Variants in PTPRM observed in about 807,000 individuals in gnomAD.
PTPRM encodes receptor-type tyrosine-protein phosphatase mu.
Under a neutral mutation model 186.7 loss-of-function variants are expected in PTPRM, and 47 were observed. The observed-to-expected ratio is 0.25, with a 90% confidence interval of 0.20 to 0.32. PTPRM has a LOEUF of 0.32. Among genes scored for constraint, PTPRM ranks in the 10% least tolerant of loss-of-function variants. PTPRM has a pLI of 1.00. For missense variants in PTPRM, 1,494 were observed against 1,865.0 expected (o/e 0.80, Z 3.66); for synonymous variants, 668 against 674.9 (o/e 0.99, Z 0.16).
At chr18:8,283,246 C>T (rs1349917869) in intron 19 of PTPRM, among the ~76,000 whole-genome samples, 5 of 152,122 alleles carry the variant, frequency 3.3e-5, no homozygotes, top group Non-Finnish European at 5.9e-5. Flanking sequence ...TGGGGAAAAC[C>T]GAGGAATAAA....
intron 1 of PTPRM, among the ~76,000 whole-genome samples, chr18:7,580,948 A>G (rs1367741285): frequency 6.6e-6 from 1 of 152,206 alleles, no homozygotes; most frequent in Admixed American, 6.5e-5. Context: ...AATCCGTATG[A>G]TGACCTTCTG....
chr18:7,866,453 C>G (rs2146121292), intron 2 of PTPRM, among the ~76,000 whole-genome samples: 1 of 152,220 alleles, frequency 6.6e-6, no homozygotes, highest in East Asian at 1.9e-4. Context: ...TACCCAGTAG[C>G]CATTCAGGCG....
intron 2 of PTPRM, among the ~76,000 whole-genome samples, chr18:7,865,152 A>G (rs2047614282): frequency 6.6e-6 from 1 of 152,174 alleles, no homozygotes; most frequent in African/African-American, 2.4e-5. Flanking sequence ...AACAGAGACA[A>G]TTTGACTTCC....
intron 1 of PTPRM, among the ~76,000 whole-genome samples, chr18:7,645,147 G>T (rs1359661961): frequency 6.6e-6 from 1 of 152,050 alleles, no homozygotes; most frequent in Non-Finnish European, 1.5e-5. Flanking sequence ...TTAGACTTTG[G>T]AGTAGTTTTC....
At chr18:7,877,280 A>G (rs1292837339) in intron 2 of PTPRM, among the ~76,000 whole-genome samples, 2 of 152,136 alleles carry the variant, frequency 1.3e-5, no homozygotes, top group Non-Finnish European at 2.9e-5. Context: ...ACCTAGAATG[A>G]TTATTTATAT....
chr18:8,249,279 G>C lies in PTPRM; in HGVS notation c.2554+1103G>C, dbSNP rs145718861. On this transcript the variant is annotated intron_variant, in intron 17 of 32. Coordinates refer to ENST00000580170, the MANE Select transcript of PTPRM (RefSeq NM_001105244.2). ...ATTTTTATTTTCCTAATGGTGTTCT[G>C]TGGGCTTAAGCAAGTTTGTTGCCTA... Among the ~76,000 whole-genome samples, 533 of 152,148 alleles carry C rather than the reference G, an allele frequency of 3.5e-3. 1 individual carries two copies. The highest frequency in any genetic ancestry group is 0.013 in the African/African-American group (522 of 41,494).
chr18:8,178,201 T>C (rs1029495361), intron 14 of PTPRM, among the ~76,000 whole-genome samples: 2 of 152,294 alleles, frequency 1.3e-5, no homozygotes, highest in South Asian at 4.1e-4. Flanking sequence ...CCCTCTCGTT[T>C]CTTCTGAGCT....
chr18:7,574,697 T>C (rs1370742140), intron 1 of PTPRM, among the ~76,000 whole-genome samples: 2 of 152,252 alleles, frequency 1.3e-5, no homozygotes, highest in Non-Finnish European at 2.9e-5. Context: ...TTGTGAAACT[T>C]TGCCTTTGGC....
intron 1 of PTPRM, among the ~76,000 whole-genome samples, chr18:7,661,950 C>T (rs2038989758): frequency 6.6e-6 from 1 of 152,106 alleles, no homozygotes; most frequent in Non-Finnish European, 1.5e-5. Flanking sequence ...CAGGGTCTTG[C>T]TCTGTTGCCC....
chr18:8,363,796 C>CA (rs11406171), intron 23 of PTPRM, among the ~76,000 whole-genome samples: 3,075 of 152,282 alleles, frequency 0.02, 111 homozygotes, highest in African/African-American at 0.07. Flanking sequence ...AGAAAAGTAA[C>CA]AAGACAGATT....
chr18:8,042,042 A>G (rs996147465), intron 7 of PTPRM, among the ~76,000 whole-genome samples: 12 of 152,330 alleles, frequency 7.9e-5, no homozygotes, highest in African/African-American at 2.4e-4. Flanking sequence ...GTCATCTTAA[A>G]CAAGCAGCTA....
intron 7 of PTPRM, chr18:8,049,293 T>G (rs1479747937): frequency 6.6e-6 from 1 of 152,158 alleles, no homozygotes; most frequent in Non-Finnish European, 1.5e-5. Context: ...ACCAAGGAGC[T>G]CAAGCAAAAA....
intron 1 of PTPRM, among the ~76,000 whole-genome samples, chr18:7,680,842 G>T (rs959708208): frequency 1.3e-5 from 2 of 152,154 alleles, no homozygotes; most frequent in Non-Finnish European, 2.9e-5. Context: ...GTGGGCTATG[G>T]GGTGGGAGTG....
intron 1 of PTPRM, among the ~76,000 whole-genome samples, chr18:7,614,387 A>G (rs1212681209): frequency 2.6e-5 from 4 of 152,226 alleles, no homozygotes; most frequent in Non-Finnish European, 5.9e-5. Context: ...AACATCATTT[A>G]GAAGCTAAGG....
intron 1 of PTPRM, among the ~76,000 whole-genome samples, chr18:7,621,952 A>T (rs180748990): frequency 4.2e-4 from 64 of 152,344 alleles, no homozygotes; most frequent in Non-Finnish European, 7.1e-4. Context: ...TTGTGTGGAC[A>T]TAAGTTTTCA....
At chr18:8,152,712 C>CTTTTTTTTTTTTT (rs35112154) in intron 14 of PTPRM, among the ~76,000 whole-genome samples, 6 of 56,928 alleles carry the variant, frequency 1.1e-4, no homozygotes, top group Non-Finnish European at 1.5e-4. Flanking sequence ...TGCCTCACCT[C>CTTTTTTTTTTTTT]TTTTTTTTTT....
At chr18:7,944,461 G>T (rs1286842979) in intron 5 of PTPRM, among the ~76,000 whole-genome samples, 7 of 152,192 alleles carry the variant, frequency 4.6e-5, no homozygotes, top group Admixed American at 4.6e-4. Flanking sequence ...AGAGGTGTTT[G>T]TGTTACCTCT....
At chr18:7,696,305 G>A (rs149162787) in intron 1 of PTPRM, among the ~76,000 whole-genome samples, 13 of 152,036 alleles carry the variant, frequency 8.6e-5, no homozygotes, top group East Asian at 5.8e-4. Context: ...AAACAATCTC[G>A]TGTTTCTGTG....
At chr18:8,314,507 G>C (rs935207544) in intron 20 of PTPRM, among the ~76,000 whole-genome samples, 1 of 152,230 alleles carries the variant, frequency 6.6e-6, no homozygotes, top group Non-Finnish European at 1.5e-5. Context: ...TCACAGGATT[G>C]TATGTAAAAG....
Sources: allele counts gnomAD v4.1 joint callset (sites outside exome capture counted in the v4.1 genomes callset), GRCh38; gene constraint gnomAD v4.1.1; transcripts MANE v1.5; gene names NCBI Gene and HGNC (gene_info 2026-07-23, HGNC 2026-07-21).